Variants in SRPX observed in about 807,000 individuals in gnomAD.
The protein encoded by SRPX is sushi repeat-containing protein SRPX.
In SRPX, 24 loss-of-function variants were observed where a neutral mutation model predicts 38.1. The observed-to-expected ratio is 0.63, with a 90% CI of 0.46 to 0.89. SRPX has a LOEUF of 0.89. SRPX is among the 40% of genes least tolerant of loss of function. SRPX has a pLI of 0.00. For synonymous variants in SRPX, 184 were observed against 153.8 expected (o/e 1.20, Z -1.45); for missense variants, 416 against 377.8 (o/e 1.10, Z -0.84).
At chrX:38,199,427 A>G (rs746444949) in intron 1 of SRPX, among the ~76,000 whole-genome samples, 1 of 108,901 alleles carries the variant, frequency 9.2e-6, no homozygotes, top group East Asian at 2.8e-4. Flanking sequence ...AATAATAATT[A>G]AAAAAAATAA....
At chrX:38,182,638 C>T (rs1447204329) in intron 1 of SRPX, among the ~76,000 whole-genome samples, 1 of 111,964 alleles carries the variant, frequency 8.9e-6, no homozygotes, top group Non-Finnish European at 1.9e-5. Context: ...ATGAAGTCTG[C>T]TTAGGGGCAG....
chrX:38,161,189 C>A (rs1938251162), intron 5 of SRPX, 135 bp from the exon 6 acceptor site: 1 of 705,883 alleles, frequency 1.4e-6, no homozygotes, highest in Non-Finnish European at 2.0e-6. Context: ...ACAAAAATTT[C>A]TTGAAGAATA....
chrX:38,212,525 A>G (rs1423104781), intron 1 of SRPX, among the ~76,000 whole-genome samples: 1 of 111,837 alleles, frequency 8.9e-6, no homozygotes, highest in African/African-American at 3.3e-5. Flanking sequence ...TGTTAAAATG[A>G]AGATGCTGAT....
chrX:38,214,562 G>T (rs1939394938), intron 1 of SRPX, among the ~76,000 whole-genome samples: 1 of 111,862 alleles, frequency 8.9e-6, no homozygotes, highest in South Asian at 3.8e-4. Context: ...AATAGGTAAT[G>T]GTGCAACACA....
At chrX:38,176,590 C>T (rs369264136) in intron 2 of SRPX, among the ~76,000 whole-genome samples, 24 of 111,105 alleles carry the variant, frequency 2.2e-4, no homozygotes, top group African/African-American at 7.5e-4. Context: ...GTTAGGAGTT[C>T]GAGACCAGCC....
rs773556486 is a variant in SRPX, at chrX:38,161,022, T to C, written c.686A>G (p.Asn229Ser). ...GATCTTGTGGTCTCCTTCTGGAAAGTTGGAGCCTGGGGGGAGGCCTTTTAG... is the reference window on the plus strand; with the variant it reads ...GATCTTGTGGTCTCCTTCTGGAAAGCTGGAGCCTGGGGGGAGGCCTTTTAG... ...VILKGLPPGS[N>S]FPEGDHKIQY... The change falls in exon 6 of 10, where the codon AAC (asparagine) becomes AGC (serine). Residue 229 changes from asparagine (N) to serine (S), a missense_variant. Transcript: ENST00000378533. 1.4e-5 allele frequency: 17 copies of C among 1,210,461 alleles called. No individual in the cohort carries two copies. In the South Asian group the frequency reaches 2.5e-4, roughly 18 times the overall value.
chrX:38,179,933 C>T (rs1382982333), intron 1 of SRPX, among the ~76,000 whole-genome samples: 1 of 110,791 alleles, frequency 9.0e-6, no homozygotes, highest in African/African-American at 3.3e-5. Flanking sequence ...TAGTGAGAAC[C>T]CATCTCAAAA....
intron 1 of SRPX, among the ~76,000 whole-genome samples, chrX:38,185,893 A>G (rs880019): frequency 0.32 from 30,390 of 95,689 alleles, 4,393 homozygotes; most frequent in Non-Finnish European, 0.41. Flanking sequence ...CTAAAAAAAA[A>G]AAAAAGGGGG....
Position 38,149,884 on chromosome X carries a change from G to A in SRPX, c.1222C>T (p.Arg408Ter), listed in dbSNP as rs1424836005. The change falls in exon 10 of 10, where the codon CGA becomes TGA. Residue 408 changes from arginine to a stop codon, truncating the protein, a stop_gained. Coordinates refer to ENST00000378533, the MANE Select transcript of SRPX (RefSeq NM_006307.5). LOFTEE classifies it high-confidence loss of function. ...ALALQLRLLL[R>*]IPLYSFSMVL... ...ATACTGAAGGAGTAGAGTGGGATTC[G>A]CAGCAACAGCCTGTGGCAGACAAAG... 2 of 1,203,603 alleles carry A rather than the reference G, an allele frequency of 1.7e-6. No individual in the cohort carries two copies. Among genetic ancestry groups the A allele is most frequent in the Non-Finnish European group, 2.2e-6 (2 of 891,782 alleles).
intron 1 of SRPX, among the ~76,000 whole-genome samples, chrX:38,203,057 A>G (rs978910948): frequency 8.9e-6 from 1 of 112,085 alleles, no homozygotes; most frequent in Non-Finnish European, 1.9e-5. Context: ...ACAACACTAC[A>G]TAAAAAGAAT....
chrX:38,182,814 G>A (rs1359660350), intron 1 of SRPX, among the ~76,000 whole-genome samples: 1 of 111,642 alleles, frequency 9.0e-6, no homozygotes, highest in Non-Finnish European at 1.9e-5. Flanking sequence ...AGATGTCACA[G>A]GACTAAAGAT....
intron 1 of SRPX, among the ~76,000 whole-genome samples, chrX:38,212,559 T>C (rs7883635): frequency 0.33 from 35,987 of 110,599 alleles, 4,808 homozygotes; most frequent in Non-Finnish European, 0.42. Context: ...GGTTTGGGCC[T>C]GAGCTTCTGC....
intron 1 of SRPX, among the ~76,000 whole-genome samples, chrX:38,182,894 A>C (rs1238523076): frequency 1.8e-5 from 2 of 111,701 alleles, no homozygotes; most frequent in Non-Finnish European, 3.8e-5. Context: ...ACCAGACTAC[A>C]ACATCAACCT....
intron 1 of SRPX, among the ~76,000 whole-genome samples, chrX:38,216,883 C>G (rs5964313): frequency 1.8e-5 from 2 of 112,406 alleles, no homozygotes; most frequent in Non-Finnish European, 3.8e-5. Flanking sequence ...CTCCAGCTTG[C>G]GGTTGCAGTC....
At chrX:38,157,050 A>G (rs1195397493) in intron 7 of SRPX, 21 bp from the exon 8 acceptor site, 2 of 1,207,708 alleles carry the variant, frequency 1.7e-6, no homozygotes, top group Admixed American at 4.4e-5. Flanking sequence ...AAATGGCCAC[A>G]TGGGTCAGAA....
At chrX:38,199,754 A>AG (rs1285775645) in intron 1 of SRPX, among the ~76,000 whole-genome samples, 1 of 111,218 alleles carries the variant, frequency 9.0e-6, no homozygotes. Context: ...GCTGGAAAAA[A>AG]AAAAAAAGGA....
At chrX:38,172,946 A>G (rs1276031542) in intron 3 of SRPX, among the ~76,000 whole-genome samples, 1 of 112,542 alleles carries the variant, frequency 8.9e-6, no homozygotes, top group African/African-American at 3.2e-5. Context: ...AGTCTTCTGA[A>G]TAAGGTTGAA....
At chrX:38,150,070 C>A (rs758265602) in intron 9 of SRPX, among the ~76,000 whole-genome samples, 176 bp from the exon 10 acceptor site, 1 of 111,845 alleles carries the variant, frequency 8.9e-6, no homozygotes, top group African/African-American at 3.2e-5. Context: ...AGCAGCATCA[C>A]ATGAGAACTT....
rs1370269188 is a variant in SRPX at position 38,160,022 on chromosome X, C to T, written c.950G>A (p.Cys317Tyr). 1.7e-6 allele frequency: 2 copies of T among 1,208,346 alleles called. No homozygotes were observed. Among genetic ancestry groups the T allele is most frequent in the African/African-American group, 1.7e-5 (1 of 57,349 alleles). ...TGGAGGGGCGGCATACCTACCTGCA[C>T]AGGTGGGCTCCGTGCCAGACCAAGC... ...NLAWSGTEPT[C>Y]AAMNVNVGVR... The change falls in exon 7 of 10, where the codon TGT becomes TAT. Residue 317 changes from cysteine (C) to tyrosine (Y), a missense_variant. Coordinates refer to ENST00000378533, the MANE Select transcript of SRPX (RefSeq NM_006307.5).
Sources: allele counts gnomAD v4.1 joint callset (sites outside exome capture counted in the v4.1 genomes callset), GRCh38; gene constraint gnomAD v4.1.1; transcripts MANE v1.5; gene names NCBI Gene and HGNC (gene_info 2026-07-23, HGNC 2026-07-21).